The following MARK2 variants were observed in gnomAD, a reference collection of about 807,000 sequenced individuals.
MARK2 encodes the protein serine/threonine-protein kinase MARK2.
Under a neutral mutation model 89.8 loss-of-function variants are expected in MARK2, and 16 were observed. The ratio of observed to expected loss-of-function variants is 0.18; its 90% CI spans 0.12 to 0.27. The LOEUF is 0.27. Ranked by LOEUF, MARK2 falls within the 10% of genes least tolerant of loss-of-function variation. The probability of loss-of-function intolerance (pLI) is 1.00; values close to 1 mark genes in which losing one functional copy is unlikely to be tolerated. For synonymous variants in MARK2, 382 were observed against 399.5 expected (o/e 0.96, Z 0.52); for missense variants, 621 against 1,049.9 (o/e 0.59, Z 5.65).
At chr11:63,874,260 T>G (rs1363592067) in intron 1 of MARK2, among the ~76,000 whole-genome samples, 1 of 152,196 alleles carries the variant, frequency 6.6e-6, no homozygotes, top group Non-Finnish European at 1.5e-5. Flanking sequence ...TCCTCCTGAT[T>G]CCAACATAAG....
Position 63,869,591 on chromosome 11 carries a change from A to G in MARK2, c.55-25568A>G, listed in dbSNP as rs866345412. 4.6e-5 allele frequency among the ~76,000 whole-genome samples: 7 copies of G among 151,938 alleles called. No homozygotes were observed. The East Asian group carries it at 1.4e-3, about 29-fold the overall frequency. ...TAAATGAAGTCTAGGGAGGGAGATG[A>G]TCCTTCTTGAGGGCACCCTGAGTTC... On this transcript the variant is annotated intron_variant, in intron 1 of 18. Coordinates refer to ENST00000402010, the MANE Select transcript of MARK2 (RefSeq NM_001039469.3).
chr11:63,882,973 AC>A (rs1939186492), intron 1 of MARK2, among the ~76,000 whole-genome samples: 1 of 151,152 alleles, frequency 6.6e-6, no homozygotes, highest in African/African-American at 2.4e-5. Flanking sequence ...TACCCCCACC[AC>A]CCCCATCCCC....
Position 63,911,019 on chromosome 11 carries a change from G to C in MARK2, c.*1782G>C, listed in dbSNP as rs1003118931. The C allele has an allele frequency of 6.6e-6, 1 of 152,284 alleles. No individual in the cohort carries two copies. Among genetic ancestry groups the C allele is most frequent in the African/African-American group, 2.4e-5 (1 of 41,460 alleles). The allele number at this position is 152,284 out of a possible 1,614,324, so 9.4% of individuals were successfully genotyped here. On this transcript the variant is annotated 3_prime_UTR_variant, in exon 19 of 19. Transcript: ENST00000402010. The stretch of plus-strand genomic sequence containing the variant: ...GTAATAAAGAGAATGTTTGGAATCT[G>C]AGCTGCCTCCTCCTGTTTCTTCTCC...
intron 1 of MARK2, 127 bp from the exon 2 acceptor site, chr11:63,895,029 TATC>T: frequency 1.5e-6 from 1 of 664,988 alleles, no homozygotes; most frequent in Non-Finnish European, 2.6e-6. Flanking sequence ...TCTGCTGCCA[TATC>T]ATTCTTCACA....
At chr11:63,885,735 C>T (rs1939355416) in intron 1 of MARK2, among the ~76,000 whole-genome samples, 2 of 151,022 alleles carry the variant, frequency 1.3e-5, no homozygotes, top group South Asian at 2.1e-4. Context: ...TTGGGAGGCT[C>T]AGGCAGGAGA....
At chr11:63,849,336 C>T (rs1476969293) in intron 1 of MARK2, among the ~76,000 whole-genome samples, 4 of 152,204 alleles carry the variant, frequency 2.6e-5, no homozygotes, top group African/African-American at 9.7e-5. Flanking sequence ...AGTGGGGCTC[C>T]TTAGGCCAGC....
intron 1 of MARK2, among the ~76,000 whole-genome samples, chr11:63,862,435 C>T (rs998389933): frequency 1.3e-5 from 2 of 148,816 alleles, no homozygotes; most frequent in African/African-American, 4.9e-5. Flanking sequence ...AGGATTAGCT[C>T]CCAGTCAGTG....
intron 1 of MARK2, among the ~76,000 whole-genome samples, chr11:63,845,818 G>T (rs566998531): frequency 1.3e-5 from 2 of 152,164 alleles, no homozygotes; most frequent in South Asian, 4.1e-4. Flanking sequence ...CACCTACTGG[G>T]TTCAAGCGAT....
At chr11:63,907,986 A>T (rs1241643830) in intron 17 of MARK2, among the ~76,000 whole-genome samples, 1 of 152,142 alleles carries the variant, frequency 6.6e-6, no homozygotes, top group African/African-American at 2.4e-5. Flanking sequence ...CTCCTCCCCC[A>T]GAGCAGAGGC....
At chr11:63,845,221 A>G (rs1298222185) in intron 1 of MARK2, among the ~76,000 whole-genome samples, 2 of 152,222 alleles carry the variant, frequency 1.3e-5, no homozygotes, top group South Asian at 4.1e-4. Context: ...TGTGGACTGG[A>G]GCTACTAGGC....
intron 1 of MARK2, among the ~76,000 whole-genome samples, chr11:63,872,941 C>T (rs1938543347): frequency 7.2e-6 from 1 of 139,662 alleles, no homozygotes; most frequent in South Asian, 2.6e-4. Flanking sequence ...GTGACCAGCT[C>T]AGAGCGGGAC....
At chr11:63,848,982 C>T (rs776211743) in intron 1 of MARK2, among the ~76,000 whole-genome samples, 11 of 152,094 alleles carry the variant, frequency 7.2e-5, no homozygotes, top group Non-Finnish European at 1.6e-4. Flanking sequence ...GCTGAGATTG[C>T]AGGCGTGAGC....
intron 2 of MARK2, 116 bp from the exon 3 acceptor site, chr11:63,895,464 G>A: frequency 1.4e-6 from 2 of 1,419,194 alleles, no homozygotes; most frequent in Non-Finnish European, 1.0e-6. Context: ...TGAGATATAG[G>A]GGTGCAAAAA....
Position 63,909,333 on chromosome 11 carries a change from G to A in MARK2, c.*96G>A. 7.7e-7 allele frequency: 1 copy of A among 1,306,464 alleles called. No individual in the cohort carries two copies. Among genetic ancestry groups the A allele is most frequent in the Non-Finnish European group, 1.0e-6 (1 of 976,990 alleles). The allele number at this position is 1,306,464 out of a possible 1,614,324, so 80.9% of individuals were successfully genotyped here. A position where few individuals can be genotyped will look rare whatever the true frequency, so the allele number is the denominator to read the frequency against. ...CTGGGCGAGACTGCAGCGATGGATTGGTGTGTCTCCCCTGCTGGCACTTCT... is the reference window on the plus strand; with the variant it reads ...CTGGGCGAGACTGCAGCGATGGATTAGTGTGTCTCCCCTGCTGGCACTTCT... On this transcript the variant is annotated 3_prime_UTR_variant, in exon 19 of 19. Coordinates refer to ENST00000402010, the MANE Select transcript of MARK2 (RefSeq NM_001039469.3).
Position 63,839,167 on chromosome 11 carries a change from G to C in MARK2, c.-340G>C, listed in dbSNP as rs899294697. On this transcript the variant is annotated 5_prime_UTR_variant, in exon 1 of 19. Coordinates refer to ENST00000402010, the MANE Select transcript of MARK2 (RefSeq NM_001039469.3). Reference sequence around the variant, plus strand: ...GTCCGGCGGCGGCTGCCTGTGTGCCGGGCGCGGAGCAGTGCCGCTGAGGGC... The same window carrying C: ...GTCCGGCGGCGGCTGCCTGTGTGCCCGGCGCGGAGCAGTGCCGCTGAGGGC... The C allele has an allele frequency of 5.9e-5, 12 of 203,002 alleles. No individual in the cohort carries two copies. The highest frequency in any genetic ancestry group is 1.8e-4 in the South Asian group (1 of 5,408). 12.6% of individuals were successfully genotyped at this position (203,002 alleles called of 1,614,324 possible). A position where few individuals can be genotyped will look rare whatever the true frequency, so the allele number is the denominator to read the frequency against.
At chr11:63,901,915 G>T (rs527387578) in intron 11 of MARK2, among the ~76,000 whole-genome samples, 2 of 152,140 alleles carry the variant, frequency 1.3e-5, no homozygotes, top group East Asian at 1.9e-4. Flanking sequence ...GTGTTGAGGG[G>T]AGTGGACTTG....
At chr11:63,844,285 G>C (rs2016167869) in intron 1 of MARK2, among the ~76,000 whole-genome samples, 2 of 152,160 alleles carry the variant, frequency 1.3e-5, no homozygotes, top group Admixed American at 6.6e-5. Flanking sequence ...TTCAAGACCA[G>C]CCTGATCAAT....
chr11:63,856,366 C>T (rs369710241), intron 1 of MARK2, among the ~76,000 whole-genome samples: 78 of 107,240 alleles, frequency 7.3e-4, no homozygotes, highest in African/African-American at 2.2e-3. Flanking sequence ...TTCTTTTTCT[C>T]CCCTTTTTTC....
chr11:63,896,067 C>T (rs754747932), intron 3 of MARK2, among the ~76,000 whole-genome samples: 3 of 152,282 alleles, frequency 2.0e-5, no homozygotes, highest in Admixed American at 6.5e-5. Context: ...CTGGCCATTT[C>T]GCTCACCGTC....
Sources: gnomAD v4.1 joint callset for allele counts (sites outside exome capture counted in the v4.1 genomes callset) on GRCh38, gnomAD v4.1.1 for gene constraint, MANE v1.5 for transcripts, NCBI Gene and HGNC (gene_info 2026-07-23, HGNC 2026-07-21) for gene names.